ULK2: variants seen among roughly 807,000 people sequenced by gnomAD.
ULK2 encodes serine/threonine-protein kinase ULK2.
A neutral mutation model predicts 127.5 loss-of-function variants in ULK2; 76 were observed. The ratio of observed to expected loss-of-function variants is 0.60; its 90% CI spans 0.50 to 0.72. ULK2 has a LOEUF of 0.72. Among genes scored for constraint, ULK2 ranks in the 30% least tolerant of loss-of-function variants. The probability of loss-of-function intolerance (pLI) is 0.00; values close to 1 mark genes in which losing one functional copy is unlikely to be tolerated. For synonymous variants in ULK2, 452 were observed against 461.9 expected (o/e 0.98, Z 0.28); for missense variants, 1,144 against 1,295.9 (o/e 0.88, Z 1.80).
chr17:19,825,195 A>G lies in ULK2; in HGVS notation c.836-13T>C. 6.2e-7 allele frequency: 1 copy of G among 1,611,868 alleles called. No homozygotes were observed. Among genetic ancestry groups the G allele is most frequent in the Non-Finnish European group, 8.5e-7 (1 of 1,178,238 alleles). On this transcript the variant is annotated splice_polypyrimidine_tract_variant and intron_variant, in intron 11 of 26. Transcript: ENST00000395544. ...GGAACTGGGCAAGCTAGGGGAAGAAACACAAATGAACTACATCATTTTGTA... is the reference window on the plus strand; with the variant it reads ...GGAACTGGGCAAGCTAGGGGAAGAAGCACAAATGAACTACATCATTTTGTA...
At chr17:19,798,680 G>C (rs1429081173) in intron 17 of ULK2, among the ~76,000 whole-genome samples, 1 of 152,156 alleles carries the variant, frequency 6.6e-6, no homozygotes, top group Non-Finnish European at 1.5e-5. Context: ...TTGTTAAAGA[G>C]TGCTTTTCTA....
At chr17:19,846,224 A>G (rs2041878296) in intron 6 of ULK2, among the ~76,000 whole-genome samples, 1 of 152,146 alleles carries the variant, frequency 6.6e-6, no homozygotes, top group South Asian at 2.1e-4. Flanking sequence ...TCATATTTAG[A>G]GCTCCTGATG....
Position 19,777,709 on chromosome 17 carries a change from G to C in ULK2, c.2924C>G (p.Ser975Cys). 6.2e-7 allele frequency: 1 copy of C among 1,607,944 alleles called. No individual in the cohort carries two copies. Among genetic ancestry groups the C allele is most frequent in the Non-Finnish European group, 8.5e-7 (1 of 1,178,410 alleles). ...IYNCAVEMVQSAALDEMFQQT... is the reference protein window; with the variant it reads ...IYNCAVEMVQCAALDEMFQQT... ...CTGAAACATCTCATCCAGGGCTGCA[G>C]ACTGAACCTGGAACCAGTCAACAAA... The change falls in exon 26 of 27, where the codon TCT (serine) becomes TGT (cysteine). Residue 975 changes from serine to cysteine, a missense_variant. Ser to Cys is a moderately radical substitution (Grantham distance 112). Coordinates refer to ENST00000395544, the MANE Select transcript of ULK2 (RefSeq NM_014683.4).
intron 10 of ULK2, among the ~76,000 whole-genome samples, chr17:19,827,796 G>A (rs1310150398): frequency 6.6e-6 from 1 of 152,078 alleles, no homozygotes; most frequent in East Asian, 1.9e-4. Flanking sequence ...TGTAATCCCA[G>A]CTACTCAGGA....
At chr17:19,855,719 CTT>C (rs1300961138) in intron 3 of ULK2, 9 of 152,138 alleles carry the variant, frequency 5.9e-5, no homozygotes, top group African/African-American at 1.7e-4. Context: ...CTGATTCCCT[CTT>C]GTTTACCTCC....
At chr17:19,806,915 C>T (rs1364113762) in intron 14 of ULK2, among the ~76,000 whole-genome samples, 2 of 152,166 alleles carry the variant, frequency 1.3e-5, no homozygotes, top group Non-Finnish European at 2.9e-5. Context: ...AGCACAAATG[C>T]AAATGGACAA....
chr17:19,822,633 G>T (rs1220257797), intron 12 of ULK2, among the ~76,000 whole-genome samples: 2 of 151,808 alleles, frequency 1.3e-5, no homozygotes, highest in African/African-American at 4.8e-5. Flanking sequence ...CTTCCAAAGT[G>T]CTGGGATTAT....
At chr17:19,799,900 G>A (rs2087359848) in intron 16 of ULK2, among the ~76,000 whole-genome samples, 1 of 152,210 alleles carries the variant, frequency 6.6e-6, no homozygotes, top group African/African-American at 2.4e-5. Context: ...CGGGCTTGTG[G>A]AGCTGCAGGG....
At position 19,828,797 on chromosome 17, in the gene ULK2, T is replaced by C. The variant is rs559608056; in HGVS notation, c.788-2611A>G. On this transcript the variant is annotated intron_variant, in intron 10 of 26. Transcript: ENST00000395544. ...AGATTAAAAGGAAATAATCCAACTA[T>C]AATCTGTAAACAGAACAGAGACTCC... 2.0e-5 allele frequency among the ~76,000 whole-genome samples: 3 copies of C among 152,346 alleles called. No homozygotes were observed. The South Asian group carries it at 6.2e-4, about 32-fold the overall frequency.
At chr17:19,831,687 C>T (rs767743087) in intron 10 of ULK2, among the ~76,000 whole-genome samples, 19 of 151,110 alleles carry the variant, frequency 1.3e-4, no homozygotes, top group Non-Finnish European at 2.7e-4. Flanking sequence ...ATTAGCCGGG[C>T]GTGGTGGTGG....
At chr17:19,849,497 T>C (rs1263369966) in intron 4 of ULK2, 92 bp from the exon 5 acceptor site, 37 of 1,283,166 alleles carry the variant, frequency 2.9e-5, no homozygotes, top group Non-Finnish European at 4.0e-5. Context: ...ATCATTTGTA[T>C]ATAATGTCAT....
chr17:19,855,042 G>C (rs913401335), intron 3 of ULK2, among the ~76,000 whole-genome samples: 6 of 150,704 alleles, frequency 4.0e-5, no homozygotes, highest in Non-Finnish European at 8.8e-5. Context: ...AGAGGTTGCA[G>C]TGAGCTGAGA....
intron 9 of ULK2, 72 bp from the exon 10 acceptor site, chr17:19,838,655 T>A (rs1462198820): frequency 7.8e-7 from 1 of 1,287,590 alleles, no homozygotes; most frequent in African/African-American, 1.5e-5. Context: ...TTGCCTTCCA[T>A]ATAGTAAACT....
Position 19,798,613 on chromosome 17 carries a change from C to T in ULK2, c.1522+882G>A, listed in dbSNP as rs185270654. Among the ~76,000 whole-genome samples, 37 of 152,248 alleles carry T rather than the reference C, an allele frequency of 2.4e-4. 1 individual carries two copies. In the East Asian group the frequency reaches 6.9e-3, roughly 29 times the overall value. On this transcript the variant is annotated intron_variant, in intron 17 of 26. Transcript: ENST00000395544. ...AAACCTGATATTTAATTTTACTGCC[C>T]TTTATAAAAATAAATTTGTGTTAAA...
rs966486654 is a variant in ULK2, at chr17:19,867,616, A to AGGCCC, written c.-204_-200dup. 1.4e-5 allele frequency: 4 copies of AGGCCC among 282,728 alleles called. No individual in the cohort carries two copies. The highest frequency in any genetic ancestry group is 2.3e-5 in the African/African-American group (1 of 44,226). 17.5% of individuals were successfully genotyped at this position (282,728 alleles called of 1,614,324 possible). On this transcript the variant is annotated 5_prime_UTR_variant, in exon 1 of 27. An upstream open reading frame in the 5' UTR loses its in-frame stop. Transcript: ENST00000395544. ...CTGCCGCGCGGAGCCAGGGTCAGCG[A>AGGCCC]GGCCCGGCCCGGCCCCTGCCGCTCA...
At chr17:19,813,667 A>G (rs2040896848) in intron 13 of ULK2, among the ~76,000 whole-genome samples, 1 of 152,222 alleles carries the variant, frequency 6.6e-6, no homozygotes, top group African/African-American at 2.4e-5. Flanking sequence ...TTGGCAGCAC[A>G]AAGATCTTGA....
chr17:19,867,208 A>G, intron 1 of ULK2, 120 bp downstream of exon 1: 1 of 719,390 alleles, frequency 1.4e-6, no homozygotes, highest in Non-Finnish European at 2.1e-6. Context: ...TGCGCGCACA[A>G]TAGCATACCC....
intron 3 of ULK2, among the ~76,000 whole-genome samples, chr17:19,853,166 G>A (rs180823979): frequency 9.9e-4 from 144 of 146,084 alleles, no homozygotes; most frequent in African/African-American, 3.2e-3. Flanking sequence ...ACAAGGTCCC[G>A]CTCTATTACC....
rs145368910 is a variant in ULK2, at chr17:19,832,322, C to T, written c.788-6136G>A. Among the ~76,000 whole-genome samples the T allele has an allele frequency of 2.5e-3, 377 of 150,200 alleles. 18 individuals carry two copies. In the East Asian group the frequency reaches 0.061, roughly 24 times the overall value. ...CTCATTCTGTCACCCAGGCTGGGTG[C>T]AGTGGCATGACCACAGCTCACTGTA... On this transcript the variant is annotated intron_variant, in intron 10 of 26. Transcript: ENST00000395544.
Sources: allele counts gnomAD v4.1 joint callset (sites outside exome capture counted in the v4.1 genomes callset), GRCh38; gene constraint gnomAD v4.1.1; transcripts MANE v1.5; gene names NCBI Gene and HGNC (gene_info 2026-07-23, HGNC 2026-07-21).